Variants in STARD8 observed in about 807,000 individuals in gnomAD.
STARD8 encodes the protein stAR-related lipid transfer protein 8.
Under a neutral mutation model 69.4 loss-of-function variants are expected in STARD8, and 25 were observed. The observed-to-expected ratio is 0.36, with a 90% CI of 0.26 to 0.50. The LOEUF (loss-of-function observed/expected upper bound fraction) is 0.50. Among genes scored for constraint, STARD8 ranks in the 20% least tolerant of loss-of-function variants. The pLI is 0.96. For synonymous variants in STARD8, 389 were observed against 374.6 expected (o/e 1.04, Z -0.45); for missense variants, 921 against 932.5 (o/e 0.99, Z 0.16).
intron 2 of STARD8, among the ~76,000 whole-genome samples, chrX:68,677,018 T>C (rs1402297863): frequency 5.5e-5 from 6 of 109,386 alleles, no homozygotes; most frequent in African/African-American, 1.7e-4. Flanking sequence ...TGGTGGTACA[T>C]GCCTGTAGTC....
intron 1 of STARD8, among the ~76,000 whole-genome samples, chrX:68,652,979 CCACA>C (rs1194184851): frequency 3.3e-5 from 2 of 61,138 alleles, no homozygotes; most frequent in Admixed American, 1.8e-4. Flanking sequence ...ACACCACACA[CCACA>C]CACACACCAC....
chrX:68,697,579 G>A (rs1041491818), intron 2 of STARD8, among the ~76,000 whole-genome samples: 2 of 112,713 alleles, frequency 1.8e-5, no homozygotes, highest in Non-Finnish European at 3.8e-5. Flanking sequence ...CCTCCCCTGC[G>A]CCTGGCCCCT....
intron 2 of STARD8, among the ~76,000 whole-genome samples, chrX:68,705,328 C>G (rs1166106601): frequency 1.8e-5 from 2 of 112,251 alleles, no homozygotes; most frequent in Non-Finnish European, 3.8e-5. Context: ...CCCAAATTCT[C>G]CAGCAGCCTC....
intron 2 of STARD8, among the ~76,000 whole-genome samples, chrX:68,674,076 C>A (rs932604209): frequency 9.0e-6 from 1 of 111,119 alleles, no homozygotes; most frequent in Non-Finnish European, 1.9e-5. Flanking sequence ...GGTGGATCAC[C>A]TGAAGTCAGG....
At chrX:68,668,301 T>C (rs1442631405) in intron 2 of STARD8, among the ~76,000 whole-genome samples, 4 of 93,245 alleles carry the variant, frequency 4.3e-5, no homozygotes, top group African/African-American at 1.9e-4. Flanking sequence ...TCTTTCTTTC[T>C]TCTTTTTTTC....
intron 5 of STARD8, 152 bp downstream of exon 5, chrX:68,716,583 A>G: frequency 1.9e-6 from 1 of 521,612 alleles, no homozygotes; most frequent in Non-Finnish European, 3.0e-6. Flanking sequence ...GAGATGGAGG[A>G]GATCTAGGAC....
intron 12 of STARD8, 109 bp downstream of exon 12, chrX:68,722,755 C>T: frequency 1.4e-6 from 1 of 726,235 alleles, no homozygotes; most frequent in Non-Finnish European, 2.0e-6. Context: ...CCGCCTGAGT[C>T]TCGCTGTGCC....
At chrX:68,666,086 C>T (rs1276653047) in intron 2 of STARD8, among the ~76,000 whole-genome samples, 1 of 111,907 alleles carries the variant, frequency 8.9e-6, no homozygotes, top group Non-Finnish European at 1.9e-5. Flanking sequence ...TTCCCATCTT[C>T]CTGGTGCCTC....
intron 1 of STARD8, 71 bp from the exon 2 acceptor site, chrX:68,665,428 C>T: frequency 8.9e-7 from 1 of 1,128,980 alleles, no homozygotes; most frequent in Non-Finnish European, 1.2e-6. Context: ...AACTTGCTAA[C>T]TTTAAGATCG....
intron 2 of STARD8, among the ~76,000 whole-genome samples, chrX:68,698,869 A>G (rs1297210571): frequency 9.0e-6 from 1 of 111,194 alleles, no homozygotes; most frequent in African/African-American, 3.3e-5. Flanking sequence ...TCAGCTATGC[A>G]AGTATGCCTC....
In STARD8 at chrX:68,670,928, T is replaced by G. The variant is rs766459808; in HGVS notation, c.79+5396T>G. 6.3e-5 allele frequency among the ~76,000 whole-genome samples: 7 copies of G among 111,288 alleles called. No homozygotes were observed. The East Asian group carries it at 2.0e-3, about 32-fold the overall frequency. Reference sequence around the variant, plus strand: ...GCTTCCTAAATCTACCGCCTTTTCTTGTCACTCACACTAGCATAGCCCTCC... The same window carrying G: ...GCTTCCTAAATCTACCGCCTTTTCTGGTCACTCACACTAGCATAGCCCTCC... On this transcript the variant is annotated intron_variant, in intron 2 of 14. Transcript: ENST00000374599.
intron 2 of STARD8, among the ~76,000 whole-genome samples, chrX:68,697,728 C>T (rs1689728232): frequency 8.9e-6 from 1 of 112,509 alleles, no homozygotes; most frequent in African/African-American, 3.2e-5. Flanking sequence ...TCCCTTCCGC[C>T]CCAGTAAGGG....
At chrX:68,681,268 G>T (rs1438747266) in intron 2 of STARD8, among the ~76,000 whole-genome samples, 1 of 111,710 alleles carries the variant, frequency 9.0e-6, no homozygotes, top group Non-Finnish European at 1.9e-5. Flanking sequence ...GCTGCCGTAC[G>T]CTGCTAGAAG....
At chrX:68,661,534 T>C (rs1459482542) in intron 1 of STARD8, among the ~76,000 whole-genome samples, 1 of 112,106 alleles carries the variant, frequency 8.9e-6, no homozygotes, top group African/African-American at 3.2e-5. Flanking sequence ...CCCCAGTGCC[T>C]AGTGGACTGC....
In STARD8 at chrX:68,721,572, C is replaced by T. The variant is rs746306817; in HGVS notation, c.2285C>T (p.Ala762Val). The change falls in exon 10 of 15, where the codon GCC (alanine) becomes GTC (valine). Residue 762 changes from alanine to valine, a missense_variant. Ala to Val is a moderately conservative substitution (Grantham distance 64, BLOSUM62 0). Transcript: ENST00000374599. The part of the protein sequence containing the change: ...PKDQWLAAAQ[A>V]ATLLLPDENR... ...GATCAGTGGTTGGCAGCAGCACAAG[C>T]CGCCACCTTGCTGCTCCCCGATGAG... 8 of 1,210,421 alleles carry T rather than the reference C, an allele frequency of 6.6e-6. No homozygotes were observed. The African/African-American group carries it at 8.7e-5, about 13-fold the overall frequency.
rs763372888 is a variant in STARD8 at position 68,669,954 on chromosome X, C to T, written c.79+4422C>T. Among the ~76,000 whole-genome samples, 6 of 112,435 alleles carry T rather than the reference C, an allele frequency of 5.3e-5. No individual in the cohort carries two copies. The South Asian group carries it at 1.1e-3, about 21-fold the overall frequency. Reference sequence around the variant, plus strand: ...GAAAATGACCAAATCATTTTTATAACGGAGTCTTGACAGATCTGGTCATTT... The same window carrying T: ...GAAAATGACCAAATCATTTTTATAATGGAGTCTTGACAGATCTGGTCATTT... On this transcript the variant is annotated intron_variant, in intron 2 of 14. Transcript: ENST00000374599.
rs757530112 is a variant in STARD8, at chrX:68,724,290, C to A, written c.3195-15C>A. The A allele has an allele frequency of 8.3e-7, 1 of 1,205,233 alleles. No homozygotes were observed. The highest frequency in any genetic ancestry group is 1.7e-5 in the African/African-American group (1 of 57,377). ...AAAATCCATTGCTCATGCCTGGTTTCTTCTGCTTCCCTAGGGGCCGTTCTC... is the reference window on the plus strand; with the variant it reads ...AAAATCCATTGCTCATGCCTGGTTTATTCTGCTTCCCTAGGGGCCGTTCTC... On this transcript the variant is annotated splice_polypyrimidine_tract_variant and intron_variant, in intron 14 of 14. Coordinates refer to ENST00000374599, the MANE Select transcript of STARD8 (RefSeq NM_001142503.3).
intron 2 of STARD8, among the ~76,000 whole-genome samples, chrX:68,710,818 G>T (rs1424660780): frequency 1.8e-5 from 2 of 112,342 alleles, no homozygotes; most frequent in Non-Finnish European, 1.9e-5. Flanking sequence ...TCCTAACCTG[G>T]TCCATTTTCT....
intron 3 of STARD8, among the ~76,000 whole-genome samples, chrX:68,713,717 G>A (rs994173479): frequency 5.4e-5 from 6 of 111,655 alleles, no homozygotes; most frequent in African/African-American, 1.3e-4. Flanking sequence ...GGCTCTGTCC[G>A]GGGCCCTCTT....
Sources: allele counts gnomAD v4.1 joint callset (sites outside exome capture counted in the v4.1 genomes callset), GRCh38; gene constraint gnomAD v4.1.1; transcripts MANE v1.5; gene names NCBI Gene and HGNC (gene_info 2026-07-23, HGNC 2026-07-21).